Variants in DNAH11 observed in about 807,000 individuals in gnomAD.
DNAH11 encodes axonemal beta dynein heavy chain 11.
Under a neutral mutation model 526.0 loss-of-function variants are expected in DNAH11, and 442 were observed. The observed-to-expected ratio is 0.84, with a 90% CI of 0.78 to 0.91. The LOEUF is 0.91. Among genes scored for constraint, DNAH11 ranks in the 40% least tolerant of loss-of-function variants. The pLI, the probability that DNAH11 is intolerant of heterozygous loss-of-function variation, is 0.00. For missense variants in DNAH11, 6,989 were observed against 5,448.7 expected (o/e 1.28, Z -8.90); for synonymous variants, 2,461 against 1,935.9 (o/e 1.27, Z -7.12).
intron 70 of DNAH11, among the ~76,000 whole-genome samples, chr7:21,865,054 A>G (rs1783220566): frequency 6.6e-6 from 1 of 152,214 alleles, no homozygotes; most frequent in African/African-American, 2.4e-5. Context: ...AAATTACACC[A>G]CAGTGGAGTC....
chr7:21,684,488 A>G (rs1240126696), intron 32 of DNAH11, among the ~76,000 whole-genome samples: 1 of 152,226 alleles, frequency 6.6e-6, no homozygotes, highest in Non-Finnish European at 1.5e-5. Flanking sequence ...TTAGGCTGTG[A>G]TATATGCTAT....
intron 6 of DNAH11, among the ~76,000 whole-genome samples, chr7:21,565,048 C>A (rs1001043599): frequency 2.0e-5 from 3 of 152,132 alleles, no homozygotes; most frequent in Admixed American, 1.3e-4. Context: ...TCCAGTGGTT[C>A]TTATTTGGAA....
At chr7:21,738,437 A>C (rs1361397203) in intron 46 of DNAH11, among the ~76,000 whole-genome samples, 2 of 152,152 alleles carry the variant, frequency 1.3e-5, no homozygotes, top group Admixed American at 1.3e-4. Flanking sequence ...CTGTGATGAC[A>C]ATGTGATGTC....
At chr7:21,617,810 T>C in intron 23 of DNAH11, 33 bp downstream of exon 23, 3 of 1,535,092 alleles carry the variant, frequency 2.0e-6, no homozygotes, top group Non-Finnish European at 2.6e-6. Context: ...ATGAACCTTT[T>C]TATGACTGTG....
chr7:21,600,277 T>C (rs1053197421), intron 15 of DNAH11, among the ~76,000 whole-genome samples, 158 bp downstream of exon 15: 1 of 151,936 alleles, frequency 6.6e-6, no homozygotes, highest in African/African-American at 2.4e-5. Flanking sequence ...CTAAGCAGCA[T>C]AGCAAGACCG....
intron 12 of DNAH11, among the ~76,000 whole-genome samples, chr7:21,590,292 A>T (rs1296827622): frequency 6.6e-6 from 1 of 152,320 alleles, no homozygotes; most frequent in South Asian, 2.1e-4. Flanking sequence ...AGCTTGCTAG[A>T]TATGAGACAT....
At chr7:21,840,130 A>G (rs1007605593) in intron 65 of DNAH11, among the ~76,000 whole-genome samples, 1 of 152,218 alleles carries the variant, frequency 6.6e-6, no homozygotes, top group African/African-American at 2.4e-5. Flanking sequence ...AACCACAGAA[A>G]ACATTGCCAC....
intron 21 of DNAH11, among the ~76,000 whole-genome samples, chr7:21,615,837 T>G (rs1435029136): frequency 6.6e-6 from 1 of 152,146 alleles, no homozygotes; most frequent in Non-Finnish European, 1.5e-5. Flanking sequence ...GAGTTTTGTT[T>G]ATAATGGTTG....
chr7:21,837,019 A>G (rs1782021485), intron 65 of DNAH11, among the ~76,000 whole-genome samples: 1 of 152,224 alleles, frequency 6.6e-6, no homozygotes, highest in African/African-American at 2.4e-5. Context: ...TATCAGGGAA[A>G]TGCAAATCAA....
chr7:21,686,911 G>A (rs1783398365), intron 32 of DNAH11, among the ~76,000 whole-genome samples, 188 bp from the exon 33 acceptor site: 1 of 152,108 alleles, frequency 6.6e-6, no homozygotes, highest in Non-Finnish European at 1.5e-5. Flanking sequence ...TAGACAGCTA[G>A]CCTAAAAATA....
In DNAH11 at chr7:21,589,215, G is replaced by A; in HGVS notation, c.1981G>A (p.Gly661Ser). Residue 661 changes from glycine to serine, a missense_variant, in exon 12 of 82, where the codon GGC becomes AGC. By Grantham distance (56) the Gly-to-Ser change is moderately conservative. Coordinates refer to ENST00000409508, the MANE Select transcript of DNAH11 (RefSeq NM_001277115.2). ...AAAACCTTATTCCTACAGATTTTTG[G>A]GCAATCCTGATCACGCTTTAGTTTA... ...NFASLRYLFL[G>S]NPDHALVYQK... 1.3e-6 allele frequency: 2 copies of A among 1,593,962 alleles called. No individual in the cohort carries two copies. Among genetic ancestry groups the A allele is most frequent in the Non-Finnish European group, 1.7e-6 (2 of 1,174,644 alleles).
chr7:21,574,581 T>A (rs1411185327), intron 8 of DNAH11, among the ~76,000 whole-genome samples: 1 of 144,406 alleles, frequency 6.9e-6, no homozygotes. Context: ...TTTTTTTTTT[T>A]AAGACAGAGT....
intron 55 of DNAH11, among the ~76,000 whole-genome samples, chr7:21,770,540 A>G (rs1267577493): frequency 2.6e-5 from 4 of 152,104 alleles, no homozygotes; most frequent in Non-Finnish European, 4.4e-5. Context: ...ACCTCTCATC[A>G]CCAGCCTCAT....
At chr7:21,743,564 G>C (rs949406694) in intron 49 of DNAH11, among the ~76,000 whole-genome samples, 1 of 152,096 alleles carries the variant, frequency 6.6e-6, no homozygotes, top group African/African-American at 2.4e-5. Flanking sequence ...TTTTGTAACC[G>C]TCTTTTCAGT....
At chr7:21,764,127 T>G (rs1455619064) in intron 54 of DNAH11, among the ~76,000 whole-genome samples, 1 of 152,160 alleles carries the variant, frequency 6.6e-6, no homozygotes, top group Non-Finnish European at 1.5e-5. Flanking sequence ...AGCGCTGGAC[T>G]TACAGTTAAC....
intron 1 of DNAH11, among the ~76,000 whole-genome samples, chr7:21,544,135 CCTTT>C (rs1303571403): frequency 6.6e-6 from 1 of 152,300 alleles, no homozygotes; most frequent in Non-Finnish European, 1.5e-5. Flanking sequence ...ACAGTTCCCT[CCTTT>C]CTTCTTTTTC....
chr7:21,878,658 C>T (rs893622123), intron 74 of DNAH11, among the ~76,000 whole-genome samples: 5 of 152,098 alleles, frequency 3.3e-5, no homozygotes, highest in South Asian at 4.1e-4. Flanking sequence ...ATTGGATCTG[C>T]GCTACATGCT....
chr7:21,645,775 G>T (rs544056277), intron 28 of DNAH11, among the ~76,000 whole-genome samples: 5 of 151,796 alleles, frequency 3.3e-5, no homozygotes, highest in Non-Finnish European at 7.4e-5. Context: ...CTAAAAATTA[G>T]ATATCTACCA....
At chr7:21,877,874 CAAAAAAAA>C (rs59694030) in intron 74 of DNAH11, among the ~76,000 whole-genome samples, 56 of 66,614 alleles carry the variant, frequency 8.4e-4, no homozygotes, top group Non-Finnish European at 2.8e-4. Context: ...GACTCCATCT[CAAAAAAAA>C]AAAAAAAAAA....
Sources: gnomAD v4.1 joint callset for allele counts (sites outside exome capture counted in the v4.1 genomes callset) on GRCh38, gnomAD v4.1.1 for gene constraint, MANE v1.5 for transcripts, NCBI Gene and HGNC (gene_info 2026-07-23, HGNC 2026-07-21) for gene names.